PDHA2: variants seen among roughly 807,000 people sequenced by gnomAD.
PDHA2 encodes pyruvate dehydrogenase E1 component subunit alpha, testis-specific form, mitochondrial.
For missense variants in PDHA2, 533 were observed against 495.8 expected (o/e 1.07, Z -0.71); for synonymous variants, 188 against 185.9 (o/e 1.01, Z -0.09).
rs1257995353 is a variant in PDHA2 at position 95,840,914 on chromosome 4, TG to T, written c.766del (p.Asp256MetfsTer24). 1 of 1,614,026 alleles carries T rather than the reference TG, an allele frequency of 6.2e-7. No individual in the cohort carries two copies. The highest frequency in any genetic ancestry group is 8.5e-7 in the Non-Finnish European group (1 of 1,180,036). On this transcript the variant is annotated frameshift_variant, in exon 1 of 1. Coordinates refer to ENST00000295266, the MANE Select transcript of PDHA2 (RefSeq NM_005390.5). LOFTEE classifies it low-confidence loss of function (END_TRUNC). ...ATCCCTGGGCTAAAGGTCGATGGAATGGATGTTCTGTGTGTTCGTGAGGCAA... is the reference window on the plus strand; with the variant it reads ...ATCCCTGGGCTAAAGGTCGATGGAATGATGTTCTGTGTGTTCGTGAGGCAA... ...NFIPGLKVDG[M>X]DVLCVREATK...
rs781260213 is a variant in PDHA2, at chr4:95,840,747, G to C, written c.597G>C (p.Gln199His). The C allele has an allele frequency of 1.2e-6, 2 of 1,614,196 alleles. No individual in the cohort carries two copies. Among genetic ancestry groups the C allele is most frequent in the South Asian group, 2.2e-5 (2 of 91,084 alleles). Residue 199 changes from glutamine to histidine, a missense_variant, in exon 1 of 1, where the codon CAG (glutamine) becomes CAC (histidine). By Grantham distance (24) the Gln-to-His change is conservative. Coordinates refer to ENST00000295266, the MANE Select transcript of PDHA2 (RefSeq NM_005390.5). ...TATATGGGGATGGCGCTGCGAATCA[G>C]GGGCAGATAGCCGAAGCTTTCAATA... ...LTLYGDGAAN[Q>H]GQIAEAFNMA...
Position 95,840,271 on chromosome 4 carries a change from C to A in PDHA2, c.121C>A (p.Leu41Ile), listed in dbSNP as rs1723475283. 6.2e-6 allele frequency: 10 copies of A among 1,614,078 alleles called. No individual in the cohort carries two copies. In the African/African-American group the frequency reaches 6.7e-5, roughly 11 times the overall value. Residue 41 changes from leucine (L) to isoleucine (I), a missense_variant, in exon 1 of 1, where the codon CTT becomes ATT. Leu to Ile is a conservative substitution (Grantham distance 5). Transcript: ENST00000295266. Reference sequence around the variant, plus strand: ...TACATTTGAAATTAAGAAATGTGATCTTTATCTGTTGGAAGAGGGTCCCCC... The same window carrying A: ...TACATTTGAAATTAAGAAATGTGATATTTATCTGTTGGAAGAGGGTCCCCC... Reference protein sequence around the residue: ...DATFEIKKCDLYLLEEGPPVT... With the variant: ...DATFEIKKCDIYLLEEGPPVT...
rs983008128 is a variant in PDHA2 at position 95,840,785 on chromosome 4, G to A, written c.635G>A (p.Trp212Ter). The A allele has an allele frequency of 6.2e-7, 1 of 1,614,134 alleles. No individual in the cohort carries two copies. The highest frequency in any genetic ancestry group is 1.7e-5 in the Admixed American group (1 of 60,016). Residue 212 changes from tryptophan (W) to a stop codon, truncating the protein, a stop_gained, in exon 1 of 1, where the codon TGG becomes TAG. Transcript: ENST00000295266. LOFTEE classifies it low-confidence loss of function (END_TRUNC). ...IAEAFNMAAL[W>*]KLPCVFICEN... ...GAAGCTTTCAATATGGCAGCTTTAT[G>A]GAAATTACCTTGTGTTTTCATCTGT...
chr4:95,840,100 C>T lies in PDHA2; in HGVS notation c.-51C>T. On this transcript the variant is annotated 5_prime_UTR_variant, in exon 1 of 1. Coordinates refer to ENST00000295266, the MANE Select transcript of PDHA2 (RefSeq NM_005390.5). ...AGACGCGGAGCCGAGGCCAGGCCTT[C>T]CGGCGGTCGTTACGGGACGCCGCTG... The T allele has an allele frequency of 4.0e-6, 6 of 1,489,348 alleles. No homozygotes were observed. The highest frequency in any genetic ancestry group is 1.4e-5 in the African/African-American group (1 of 72,394). 92.3% of individuals were successfully genotyped at this position (1,489,348 alleles called of 1,614,324 possible).
chr4:95,841,103 T>A lies in PDHA2; in HGVS notation c.953T>A (p.Leu318His). 2 of 1,614,066 alleles carry A rather than the reference T, an allele frequency of 1.2e-6. No homozygotes were observed. The highest frequency in any genetic ancestry group is 1.7e-6 in the Non-Finnish European group (2 of 1,179,984). ...AGTAAGAGGGATCCTATAATAATTC[T>A]CCAAGATAGAATGGTAAACAGCAAG... ...VRSKRDPIIILQDRMVNSKLA... is the reference protein window; with the variant it reads ...VRSKRDPIIIHQDRMVNSKLA... Residue 318 changes from leucine to histidine, a missense_variant, in exon 1 of 1, where the codon CTC becomes CAC. Transcript: ENST00000295266.
At position 95,840,831 on chromosome 4, in the gene PDHA2, G is replaced by A; in HGVS notation, c.681G>A (p.Met227Ile). Residue 227 changes from methionine to isoleucine, a missense_variant, in exon 1 of 1, where the codon ATG becomes ATA. Coordinates refer to ENST00000295266, the MANE Select transcript of PDHA2 (RefSeq NM_005390.5). ...TCTGTGAGAATAACCTATATGGAAT[G>A]GGAACATCTACTGAGAGAGCAGCAG... is the stretch of plus-strand genomic sequence containing the variant. ...VFICENNLYG[M>I]GTSTERAAAS... 1.9e-6 allele frequency: 3 copies of A among 1,614,096 alleles called. No individual in the cohort carries two copies. The highest frequency in any genetic ancestry group is 2.5e-6 in the Non-Finnish European group (3 of 1,179,996).
In PDHA2 at chr4:95,840,109, G is replaced by C. The variant is rs753952426; in HGVS notation, c.-42G>C. The C allele has an allele frequency of 2.0e-6, 3 of 1,528,958 alleles. No homozygotes were observed. The highest frequency in any genetic ancestry group is 1.8e-6 in the Non-Finnish European group (2 of 1,132,388). The allele number at this position is 1,528,958 out of a possible 1,614,324, so 94.7% of individuals were successfully genotyped here. On this transcript the variant is annotated 5_prime_UTR_variant, in exon 1 of 1. Transcript: ENST00000295266. ...GCCGAGGCCAGGCCTTCCGGCGGTC[G>C]TTACGGGACGCCGCTGCCATCTACA...
rs1327665240 is a variant in PDHA2 at position 95,840,901 on chromosome 4, A to C, written c.751A>C (p.Lys251Gln). The part of the protein sequence containing the change: ...YKRGNFIPGL[K>Q]VDGMDVLCVR... Reference sequence around the variant, plus strand: ...GAGGGGCAATTTTATCCCTGGGCTAAAGGTCGATGGAATGGATGTTCTGTG... The same window carrying C: ...GAGGGGCAATTTTATCCCTGGGCTACAGGTCGATGGAATGGATGTTCTGTG... The change falls in exon 1 of 1, where the codon AAG becomes CAG. Residue 251 changes from lysine to glutamine, a missense_variant. Lys to Gln is a moderately conservative substitution (Grantham distance 53). Transcript: ENST00000295266. The C allele has an allele frequency of 3.1e-6, 5 of 1,614,018 alleles. No individual in the cohort carries two copies. Among genetic ancestry groups the C allele is most frequent in the Non-Finnish European group, 4.2e-6 (5 of 1,180,034 alleles).
chr4:95,841,191 T>G lies in PDHA2; in HGVS notation c.1041T>G (p.Ala347=). 2 of 1,614,180 alleles carry G rather than the reference T, an allele frequency of 1.2e-6. No individual in the cohort carries two copies. Among genetic ancestry groups the G allele is most frequent in the East Asian group, 4.5e-5 (2 of 44,882 alleles). The part of the protein sequence containing the change: ...GAEVRKEIDD[A]AQFATTDPEP... Reference sequence around the variant, plus strand: ...AGGTGAGGAAAGAAATTGATGATGCTGCCCAGTTTGCTACCACTGATCCTG... The same window carrying G: ...AGGTGAGGAAAGAAATTGATGATGCGGCCCAGTTTGCTACCACTGATCCTG... The change falls in exon 1 of 1, where the codon GCT becomes GCG. Residue 347 remains alanine, a synonymous_variant. Coordinates refer to ENST00000295266, the MANE Select transcript of PDHA2 (RefSeq NM_005390.5).
Position 95,840,124 on chromosome 4 carries a change from T to C in PDHA2, c.-27T>C, listed in dbSNP as rs1388340994. 6.4e-7 allele frequency: 1 copy of C among 1,568,594 alleles called. No individual in the cohort carries two copies. The highest frequency in any genetic ancestry group is 8.6e-7 in the Non-Finnish European group (1 of 1,156,830). ...TCCGGCGGTCGTTACGGGACGCCGC[T>C]GCCATCTACAGCACTCCGTGAAGAA... is the stretch of plus-strand genomic sequence containing the variant. On this transcript the variant is annotated 5_prime_UTR_variant, in exon 1 of 1. Coordinates refer to ENST00000295266, the MANE Select transcript of PDHA2 (RefSeq NM_005390.5).
In PDHA2 at chr4:95,840,494, C is replaced by T. The variant is rs760668325; in HGVS notation, c.344C>T (p.Ser115Phe). 1 of 1,614,096 alleles carries T rather than the reference C, an allele frequency of 6.2e-7. No homozygotes were observed. The highest frequency in any genetic ancestry group is 8.5e-7 in the Non-Finnish European group (1 of 1,180,048). The stretch of plus-strand genomic sequence containing the variant: ...AACCCCTCGGATCACGTCATTACAT[C>T]CTATAGGGCTCATGGTGTGTGCTAT... ...GINPSDHVIT[S>F]YRAHGVCYTR... Residue 115 changes from serine (S) to phenylalanine (F), a missense_variant, in exon 1 of 1, where the codon TCC (serine) becomes TTC (phenylalanine). Coordinates refer to ENST00000295266, the MANE Select transcript of PDHA2 (RefSeq NM_005390.5).
At position 95,841,053 on chromosome 4, in the gene PDHA2, A is replaced by G; in HGVS notation, c.903A>G (p.Thr301=). 3 of 1,614,182 alleles carry G rather than the reference A, an allele frequency of 1.9e-6. No homozygotes were observed. The highest frequency in any genetic ancestry group is 1.7e-6 in the Non-Finnish European group (2 of 1,180,020). Residue 301 remains threonine, a synonymous_variant, in exon 1 of 1, where the codon ACA becomes ACG. Transcript: ENST00000295266. ...SMSDPGVSYR[T]REEIQEVRSK... Reference sequence around the variant, plus strand: ...GTGATCCTGGAGTCAGTTATCGTACACGAGAAGAAATTCAGGAAGTAAGAA... The same window carrying G: ...GTGATCCTGGAGTCAGTTATCGTACGCGAGAAGAAATTCAGGAAGTAAGAA...
rs898944336 is a variant in PDHA2 at position 95,840,588 on chromosome 4, A to G, written c.438A>G (p.Gly146=). 5.0e-6 allele frequency: 8 copies of G among 1,614,162 alleles called. No homozygotes were observed. The highest frequency in any genetic ancestry group is 6.8e-6 in the Non-Finnish European group (8 of 1,180,038). Reference sequence around the variant, plus strand: ...GAAGAAGAGGAGGTTGTGCTAAAGGAAAAGGAGGATCGATGCATATGTATA... The same window carrying G: ...GAAGAAGAGGAGGTTGTGCTAAAGGGAAAGGAGGATCGATGCATATGTATA... The part of the protein sequence containing the change: ...LTGRRGGCAK[G]KGGSMHMYTK... The change falls in exon 1 of 1, where the codon GGA becomes GGG. Residue 146 remains glycine (G), a synonymous_variant. Transcript: ENST00000295266.
chr4:95,840,575 G>A lies in PDHA2; in HGVS notation c.425G>A (p.Gly142Asp), dbSNP rs369750047. The change falls in exon 1 of 1, where the codon GGT becomes GAT. Residue 142 changes from glycine (G) to aspartate (D), a missense_variant. By Grantham distance (94) the Gly-to-Asp change is moderately conservative. Transcript: ENST00000295266. ...ILAELTGRRGGCAKGKGGSMH... is the reference protein window; with the variant it reads ...ILAELTGRRGDCAKGKGGSMH... ...GCAGAGCTGACGGGAAGAAGAGGAG[G>A]TTGTGCTAAAGGAAAAGGAGGATCG... is the stretch of plus-strand genomic sequence containing the variant. 5 of 1,614,084 alleles carry A rather than the reference G, an allele frequency of 3.1e-6. No homozygotes were observed. The highest frequency in any genetic ancestry group is 1.3e-5 in the African/African-American group (1 of 74,930).
rs766615895 is a variant in PDHA2, at chr4:95,840,549, C to T, written c.399C>T (p.Leu133=). Residue 133 remains leucine (L), a synonymous_variant, in exon 1 of 1, where the codon CTC becomes CTT. Transcript: ENST00000295266. The part of the protein sequence containing the change: ...YTRGLSVRSI[L]AELTGRRGGC... ...GGGGACTTTCTGTCCGATCCATTCTCGCAGAGCTGACGGGAAGAAGAGGAG... is the reference window on the plus strand; with the variant it reads ...GGGGACTTTCTGTCCGATCCATTCTTGCAGAGCTGACGGGAAGAAGAGGAG... The T allele has an allele frequency of 1.5e-5, 25 of 1,614,018 alleles. No homozygotes were observed. In the Admixed American group the frequency reaches 2.8e-4, roughly 18 times the overall value.
rs756609145 is a variant in PDHA2, at chr4:95,841,309, G to C, written c.1159G>C (p.Val387Leu). The change falls in exon 1 of 1, where the codon GTC becomes CTC. Residue 387 changes from valine (V) to leucine (L), a missense_variant. Transcript: ENST00000295266. Reference sequence around the variant, plus strand: ...AAATCCATGGATCAAGTTTAAGTCCGTCAGTTAAAGGGAGGCTACGTGTGA... The same window carrying C: ...AAATCCATGGATCAAGTTTAAGTCCCTCAGTTAAAGGGAGGCTACGTGTGA... ...GANPWIKFKS[V>L]S The C allele has an allele frequency of 6.2e-7, 1 of 1,612,720 alleles. No individual in the cohort carries two copies. Among genetic ancestry groups the C allele is most frequent in the Admixed American group, 1.7e-5 (1 of 60,010 alleles).
In PDHA2 at chr4:95,840,922, C is replaced by G. The variant is rs765044555; in HGVS notation, c.772C>G (p.Leu258Val). ...PGLKVDGMDV[L>V]CVREATKFAA... Reference sequence around the variant, plus strand: ...GCTAAAGGTCGATGGAATGGATGTTCTGTGTGTTCGTGAGGCAACAAAATT... The same window carrying G: ...GCTAAAGGTCGATGGAATGGATGTTGTGTGTGTTCGTGAGGCAACAAAATT... The change falls in exon 1 of 1, where the codon CTG becomes GTG. Residue 258 changes from leucine to valine, a missense_variant. By Grantham distance (32) the Leu-to-Val change is conservative (BLOSUM62 1). Transcript: ENST00000295266. The G allele has an allele frequency of 7.4e-6, 12 of 1,614,080 alleles. No homozygotes were observed. In the South Asian group the frequency reaches 7.7e-5, roughly 10 times the overall value.
Position 95,840,963 on chromosome 4 carries a change from T to C in PDHA2, c.813T>C (p.Cys271=). Reference sequence around the variant, plus strand: ...CAACAAAATTTGCAGCTAACTACTGTAGATCTGGAAAGGGGCCCATACTGA... The same window carrying C: ...CAACAAAATTTGCAGCTAACTACTGCAGATCTGGAAAGGGGCCCATACTGA... ...REATKFAANY[C]RSGKGPILME... The change falls in exon 1 of 1, where the codon TGT becomes TGC. Residue 271 remains cysteine (C), a synonymous_variant. Coordinates refer to ENST00000295266, the MANE Select transcript of PDHA2 (RefSeq NM_005390.5). The C allele has an allele frequency of 1.2e-6, 2 of 1,614,052 alleles. No homozygotes were observed. The highest frequency in any genetic ancestry group is 1.1e-5 in the South Asian group (1 of 91,088).
chr4:95,841,270 G>C lies in PDHA2; in HGVS notation c.1120G>C (p.Glu374Gln). The C allele has an allele frequency of 6.2e-7, 1 of 1,614,132 alleles. No individual in the cohort carries two copies. Among genetic ancestry groups the C allele is most frequent in the Non-Finnish European group, 8.5e-7 (1 of 1,180,016 alleles). The change falls in exon 1 of 1, where the codon GAA (glutamate) becomes CAA (glutamine). Residue 374 changes from glutamate to glutamine, a missense_variant. Coordinates refer to ENST00000295266, the MANE Select transcript of PDHA2 (RefSeq NM_005390.5). Reference protein sequence around the residue: ...HHIYSSDSSFEVRGANPWIKF... With the variant: ...HHIYSSDSSFQVRGANPWIKF... ...CATCTACAGCAGTGATTCATCTTTTGAAGTTCGTGGTGCAAATCCATGGAT... is the reference window on the plus strand; with the variant it reads ...CATCTACAGCAGTGATTCATCTTTTCAAGTTCGTGGTGCAAATCCATGGAT...
Sources: allele counts gnomAD v4.1 joint callset, GRCh38; gene constraint gnomAD v4.1.1; transcripts MANE v1.5; gene names NCBI Gene and HGNC (gene_info 2026-07-23, HGNC 2026-07-21).